Variants in MRPL1 observed in about 807,000 individuals in gnomAD.
MRPL1 encodes mitochondrial ribosomal protein L1, also known as large ribosomal subunit protein uL1m.
In MRPL1, 28 loss-of-function variants were observed where a neutral mutation model predicts 38.0. The ratio of observed to expected loss-of-function variants is 0.74; its 90% confidence interval spans 0.55 to 1.01. The LOEUF (loss-of-function observed/expected upper bound fraction) is 1.01. Ranked by LOEUF, MRPL1 falls within the 50% of genes least tolerant of loss-of-function variation. MRPL1 has a pLI of 0.00. For synonymous variants in MRPL1, 123 were observed against 126.7 expected, an observed-to-expected ratio of 0.97 and a Z score of 0.20; for missense variants, 358 against 389.8, an observed-to-expected ratio of 0.92 and a Z score of 0.69.
rs985776387 is a variant in MRPL1, at chr4:77,870,596, G to A, written c.32-1148G>A. The stretch of plus-strand genomic sequence containing the variant: ...AGGTGAAAAAGCAAGATGGAGTAGT[G>A]ATTAGAGTATGCTACCATTTTATAA... On this transcript the variant is annotated intron_variant, in intron 1 of 8. Transcript: ENST00000315567. 3.9e-5 allele frequency among the ~76,000 whole-genome samples: 6 copies of A among 152,230 alleles called. No individual in the cohort carries two copies. The South Asian group carries it at 8.3e-4, about 21-fold the overall frequency.
At chr4:77,884,183 A>G (rs1199941520) in intron 3 of MRPL1, among the ~76,000 whole-genome samples, 1 of 150,226 alleles carries the variant, frequency 6.7e-6, no homozygotes, top group Non-Finnish European at 1.5e-5. Flanking sequence ...TGTCCTTCAG[A>G]TGTGTTCCTT....
At chr4:77,863,366 AG>A (rs1366702665) in intron 1 of MRPL1, among the ~76,000 whole-genome samples, 1 of 151,534 alleles carries the variant, frequency 6.6e-6, no homozygotes, top group Non-Finnish European at 1.5e-5. Flanking sequence ...TTATCATTTG[AG>A]GGGGCTAATT....
At chr4:77,867,746 CTTTTTTTTTTT>C (rs71214374) in intron 1 of MRPL1, among the ~76,000 whole-genome samples, 3,015 of 92,072 alleles carry the variant, frequency 0.033, 122 homozygotes, top group African/African-American at 0.12. Context: ...ATAGTTATTT[CTTTTTTTTTTT>C]TTTTTTTTTT....
chr4:77,892,094 A>G (rs1244087947), intron 5 of MRPL1, among the ~76,000 whole-genome samples: 1 of 151,874 alleles, frequency 6.6e-6, no homozygotes, highest in Non-Finnish European at 1.5e-5. Flanking sequence ...AGCTCTATAA[A>G]ATGCCAAGTA....
chr4:77,916,824 T>A (rs1736433817), intron 7 of MRPL1, among the ~76,000 whole-genome samples: 1 of 152,222 alleles, frequency 6.6e-6, no homozygotes, highest in Non-Finnish European at 1.5e-5. Context: ...TCTAAGTATA[T>A]CCATAAGGTA....
chr4:77,917,202 C>CT (rs1436788236), intron 7 of MRPL1, among the ~76,000 whole-genome samples: 3 of 152,222 alleles, frequency 2.0e-5, no homozygotes, highest in African/African-American at 7.2e-5. Flanking sequence ...CCACAACTCT[C>CT]TTTTTTGTGT....
intron 6 of MRPL1, among the ~76,000 whole-genome samples, chr4:77,900,549 T>C (rs974462330): frequency 1.3e-5 from 2 of 152,216 alleles, no homozygotes; most frequent in South Asian, 2.1e-4. Context: ...ATTTTACATA[T>C]ACAAAAGTAT....
At chr4:77,908,360 G>A in intron 6 of MRPL1, 1 of 161,726 alleles carries the variant, frequency 6.2e-6, no homozygotes, top group South Asian at 1.4e-4. Flanking sequence ...AGCCTCCCAA[G>A]TAGCTGGGAT....
intron 6 of MRPL1, among the ~76,000 whole-genome samples, chr4:77,904,755 A>C (rs1414129209): frequency 3.3e-5 from 5 of 152,222 alleles, no homozygotes; most frequent in Non-Finnish European, 7.3e-5. Flanking sequence ...AAAGGTGTCA[A>C]GGTTATATGG....
intron 1 of MRPL1, among the ~76,000 whole-genome samples, chr4:77,869,362 A>G (rs1288173373): frequency 2.0e-5 from 3 of 152,196 alleles, no homozygotes; most frequent in African/African-American, 7.2e-5. Flanking sequence ...TATGCTAAGA[A>G]TAAGGGGAAG....
chr4:77,915,020 A>G (rs189965319), intron 7 of MRPL1, among the ~76,000 whole-genome samples: 1 of 152,164 alleles, frequency 6.6e-6, no homozygotes, highest in African/African-American at 2.4e-5. Flanking sequence ...ATAATTCACT[A>G]TCTGGCTCTT....
At chr4:77,934,658 T>C (rs1206967118) in intron 7 of MRPL1, among the ~76,000 whole-genome samples, 1 of 152,234 alleles carries the variant, frequency 6.6e-6, no homozygotes. Flanking sequence ...CATAGAATTA[T>C]ATGATCCACC....
chr4:77,937,130 A>G (rs1737004225), intron 7 of MRPL1, among the ~76,000 whole-genome samples: 1 of 152,120 alleles, frequency 6.6e-6, no homozygotes, highest in Admixed American at 6.5e-5. Context: ...GTCTCAAAAA[A>G]AAAAAGAAGA....
chr4:77,937,080 GT>G (rs1737002365), intron 7 of MRPL1, among the ~76,000 whole-genome samples: 1 of 151,986 alleles, frequency 6.6e-6, no homozygotes, highest in Non-Finnish European at 1.5e-5. Flanking sequence ...AGGTGTGTTA[GT>G]GTCATTGCAC....
chr4:77,914,709 T>TTGTG (rs370505471), intron 7 of MRPL1, among the ~76,000 whole-genome samples: 24 of 140,094 alleles, frequency 1.7e-4, no homozygotes, highest in South Asian at 4.7e-4. Context: ...GATGTGGTAT[T>TTGTG]TGTGTGTGTG....
intron 7 of MRPL1, among the ~76,000 whole-genome samples, chr4:77,937,480 G>A (rs981127016): frequency 1.3e-5 from 2 of 152,194 alleles, no homozygotes; most frequent in African/African-American, 4.8e-5. Flanking sequence ...AGGAGATTAA[G>A]GGGGAAAACC....
At chr4:77,920,837 A>G (rs1161827295) in intron 7 of MRPL1, among the ~76,000 whole-genome samples, 1 of 152,030 alleles carries the variant, frequency 6.6e-6, no homozygotes, top group African/African-American at 2.4e-5. Context: ...AACTTGACTC[A>G]CTGCAACCTT....
intron 5 of MRPL1, among the ~76,000 whole-genome samples, chr4:77,887,570 G>A (rs1396512183): frequency 6.6e-6 from 1 of 152,072 alleles, no homozygotes; most frequent in African/African-American, 2.4e-5. Flanking sequence ...CTGTTGTCCA[G>A]ACTAGAAGAT....
intron 1 of MRPL1, among the ~76,000 whole-genome samples, chr4:77,866,040 TA>T (rs763674795): frequency 6.6e-6 from 1 of 151,514 alleles, no homozygotes; most frequent in African/African-American, 2.4e-5. Context: ...GGGCTTAGCA[TA>T]AAAAAAAACA....
Sources: allele counts gnomAD v4.1 joint callset (sites outside exome capture counted in the v4.1 genomes callset), GRCh38; gene constraint gnomAD v4.1.1; transcripts MANE v1.5; gene names NCBI Gene and HGNC (gene_info 2026-07-23, HGNC 2026-07-21).